MAP3K2: variants seen among roughly 807,000 people sequenced by gnomAD.
MAP3K2 encodes the protein MAP/ERK kinase kinase 2.
A neutral mutation model predicts 80.3 loss-of-function variants in MAP3K2; 24 were observed. The observed-to-expected ratio is 0.30, with a 90% CI of 0.22 to 0.42. MAP3K2 has a LOEUF of 0.42. MAP3K2 is among the 10% of genes least tolerant of loss of function. MAP3K2 has a pLI of 1.00. For missense variants in MAP3K2, 608 were observed against 750.1 expected (o/e 0.81, Z 2.21); for synonymous variants, 244 against 253.7 (o/e 0.96, Z 0.36).
intron 11 of MAP3K2, among the ~76,000 whole-genome samples, 200 bp downstream of exon 11, chr2:127,323,702 T>C (rs1176889872): frequency 6.6e-6 from 1 of 152,160 alleles, no homozygotes; most frequent in East Asian, 1.9e-4. Flanking sequence ...AACAAAAAAT[T>C]ATTCATTTTC....
intron 1 of MAP3K2, among the ~76,000 whole-genome samples, chr2:127,380,804 GTAGATA>G (rs1353665387): frequency 6.6e-6 from 1 of 152,158 alleles, no homozygotes; most frequent in Non-Finnish European, 1.5e-5. Flanking sequence ...TTAAGTGTGT[GTAGATA>G]TAGATATATA....
intron 1 of MAP3K2, among the ~76,000 whole-genome samples, chr2:127,369,468 T>TAAA (rs70985451): frequency 2.1e-4 from 7 of 32,736 alleles, no homozygotes; most frequent in Admixed American, 4.8e-4. Flanking sequence ...CCGTCTCTAC[T>TAAA]AAAAAAAAAA....
rs1685704322 is a variant in MAP3K2 at position 127,306,596 on chromosome 2, G to A, written c.*983C>T. On this transcript the variant is annotated 3_prime_UTR_variant, in exon 17 of 17. Transcript: ENST00000682094. The surrounding 1 kb of genome is among the most constrained non-coding windows in gnomAD (Gnocchi z 4.7). Reference sequence around the variant, plus strand: ...GCTCCTAAGGGATGTTACCTATGGGGAATCAGGAGCTGGAAATAGAAGATG... The same window carrying A: ...GCTCCTAAGGGATGTTACCTATGGGAAATCAGGAGCTGGAAATAGAAGATG... The A allele has an allele frequency of 6.6e-6, 1 of 152,122 alleles. No individual in the cohort carries two copies. The highest frequency in any genetic ancestry group is 1.5e-5 in the Non-Finnish European group (1 of 68,024). The allele number at this position is 152,122 out of a possible 1,614,324, so 9.4% of individuals were successfully genotyped here.
chr2:127,314,641 T>C (rs1178570889), intron 15 of MAP3K2, 113 bp downstream of exon 15: 1 of 831,806 alleles, frequency 1.2e-6, no homozygotes. Flanking sequence ...ACTGTTTCCC[T>C]GTAGTATTTC....
intron 1 of MAP3K2, among the ~76,000 whole-genome samples, chr2:127,354,506 A>G (rs1440581092): frequency 6.6e-6 from 1 of 152,060 alleles, no homozygotes; most frequent in Non-Finnish European, 1.5e-5. Context: ...CTCAAAATTC[A>G]CAGGACACTG....
At chr2:127,329,278 G>A (rs1014912015) in intron 7 of MAP3K2, among the ~76,000 whole-genome samples, 1 of 151,892 alleles carries the variant, frequency 6.6e-6, no homozygotes, top group Non-Finnish European at 1.5e-5. Context: ...CCTAGAGAAA[G>A]GCTTGTGAAT....
intron 1 of MAP3K2, among the ~76,000 whole-genome samples, chr2:127,385,026 A>C (rs1687319585): frequency 6.6e-6 from 1 of 152,212 alleles, no homozygotes; most frequent in Non-Finnish European, 1.5e-5. Context: ...GATTACAAAA[A>C]CTTAGTTGAT....
In MAP3K2 at chr2:127,304,247, T is replaced by TC. The variant is rs1234066510; in HGVS notation, c.*3331dup. ...AAACAAGGAAAAGTGCTGAAAATTT[T>TC]CAAGATATTCATACTGAAATTTTCA... On this transcript the variant is annotated 3_prime_UTR_variant, in exon 17 of 17. Transcript: ENST00000682094. The TC allele has an allele frequency of 3.3e-5, 5 of 152,300 alleles. No homozygotes were observed. The highest frequency in any genetic ancestry group is 1.5e-5 in the Non-Finnish European group (1 of 67,996). The allele number at this position is 152,300 out of a possible 1,614,324, so 9.4% of individuals were successfully genotyped here. A position where few individuals can be genotyped will look rare whatever the true frequency, so the allele number is the denominator to read the frequency against.
chr2:127,324,142 C>T (rs1026724470), intron 10 of MAP3K2, 32 bp downstream of exon 10: 1 of 1,417,054 alleles, frequency 7.1e-7, no homozygotes, highest in African/African-American at 1.5e-5. Flanking sequence ...ATGACATAAA[C>T]ATTTAAACAT....
At chr2:127,348,716 T>G (rs1353162433) in intron 1 of MAP3K2, among the ~76,000 whole-genome samples, 1 of 152,036 alleles carries the variant, frequency 6.6e-6, no homozygotes, top group East Asian at 1.9e-4. Context: ...AATTGTAGTA[T>G]TTAAAAGGGT....
chr2:127,320,068 T>C (rs984903407), intron 12 of MAP3K2, among the ~76,000 whole-genome samples: 4 of 152,156 alleles, frequency 2.6e-5, no homozygotes, highest in Non-Finnish European at 5.9e-5. Flanking sequence ...ACATTCTATT[T>C]ACCTCCTCCC....
At chr2:127,325,702 C>T in intron 9 of MAP3K2, 26 bp downstream of exon 9, 1 of 1,561,498 alleles carries the variant, frequency 6.4e-7, no homozygotes, top group Non-Finnish European at 8.8e-7. Flanking sequence ...ACAAATAAAC[C>T]CTCCAAAAAC....
At chr2:127,350,846 A>G (rs1686680849) in intron 1 of MAP3K2, among the ~76,000 whole-genome samples, 1 of 152,076 alleles carries the variant, frequency 6.6e-6, no homozygotes, top group South Asian at 2.1e-4. Flanking sequence ...CATCAGTAAC[A>G]GGCAAATTAA....
intron 1 of MAP3K2, among the ~76,000 whole-genome samples, chr2:127,366,009 A>G (rs574641979): frequency 2.0e-5 from 3 of 152,210 alleles, no homozygotes; most frequent in Non-Finnish European, 4.4e-5. Flanking sequence ...TCTTGCATAT[A>G]TAACAAAATC....
rs909934671 is a variant in MAP3K2 at position 127,301,187 on chromosome 2, T to C, written c.*6392A>G. On this transcript the variant is annotated 3_prime_UTR_variant, in exon 17 of 17. Transcript: ENST00000682094. The stretch of plus-strand genomic sequence containing the variant: ...GTCTATGGCACAAAGCAGACATCAG[T>C]CCAGAACCTACTTTTCCTCACAGCT... The C allele has an allele frequency of 1.3e-5, 2 of 152,324 alleles. No homozygotes were observed. The highest frequency in any genetic ancestry group is 4.8e-5 in the African/African-American group (2 of 41,576). The allele number at this position is 152,324 out of a possible 1,614,324, so 9.4% of individuals were successfully genotyped here.
At chr2:127,348,412 A>G (rs998159599) in intron 1 of MAP3K2, among the ~76,000 whole-genome samples, 2 of 152,310 alleles carry the variant, frequency 1.3e-5, no homozygotes, top group South Asian at 2.1e-4. Flanking sequence ...ACAAATAAAT[A>G]AAATTCAGTC....
At chr2:127,334,325 G>A (rs1397206508) in intron 5 of MAP3K2, among the ~76,000 whole-genome samples, 2 of 152,000 alleles carry the variant, frequency 1.3e-5, no homozygotes, top group African/African-American at 4.8e-5. Context: ...AATGTATCTT[G>A]GCATTTGAAA....
At chr2:127,375,785 T>A (rs992485547) in intron 1 of MAP3K2, among the ~76,000 whole-genome samples, 9 of 152,066 alleles carry the variant, frequency 5.9e-5, no homozygotes, top group Non-Finnish European at 1.3e-4. Context: ...TACCCGACCT[T>A]CCCAGCTTCT....
rs1031377381 is a variant in MAP3K2 at position 127,387,552 on chromosome 2, G to T, written c.-166C>A. Reference sequence around the variant, plus strand: ...AGCGCGGCCTGTCACCGCGGCCCCAGGTCGGGGGCTGCCGCAGGGCCCCCG... The same window carrying T: ...AGCGCGGCCTGTCACCGCGGCCCCATGTCGGGGGCTGCCGCAGGGCCCCCG... On this transcript the variant is annotated 5_prime_UTR_variant, in exon 1 of 17. It adds an upstream start codon to the 5' untranslated region. Transcript: ENST00000682094. 1.5e-5 allele frequency: 15 copies of T among 985,038 alleles called. No homozygotes were observed. The highest frequency in any genetic ancestry group is 1.8e-5 in the Non-Finnish European group (15 of 829,768). The allele number at this position is 985,038 out of a possible 1,614,324, so 61.0% of individuals were successfully genotyped here. A position where few individuals can be genotyped will look rare whatever the true frequency, so the allele number is the denominator to read the frequency against.
Sources: gnomAD v4.1 joint callset for allele counts (sites outside exome capture counted in the v4.1 genomes callset) on GRCh38, gnomAD v4.1.1 for gene constraint, Gnocchi (gnomAD v3.1) non-coding constraint, MANE v1.5 for transcripts, NCBI Gene and HGNC (gene_info 2026-07-23, HGNC 2026-07-21) for gene names.